The following PCDHGA3 variants were observed in gnomAD, a reference collection of about 807,000 sequenced individuals.
The protein encoded by PCDHGA3 is protocadherin gamma-A3.
Under a neutral mutation model 58.5 loss-of-function variants are expected in PCDHGA3, and 40 were observed. That is an observed-to-expected ratio of 0.68 (90% confidence interval 0.53 to 0.89). The LOEUF is 0.89. Ranked by LOEUF, PCDHGA3 falls within the 40% of genes least tolerant of loss-of-function variation. The pLI, the probability that PCDHGA3 is intolerant of heterozygous loss-of-function variation, is 0.00. For missense variants in PCDHGA3, 1,223 were observed against 1,195.9 expected, an observed-to-expected ratio of 1.02 and a Z score of -0.33; for synonymous variants, 530 against 525.7, an observed-to-expected ratio of 1.01 and a Z score of -0.11.
At chr5:141,501,147 G>A (rs1166199034) in intron 2 of PCDHGA3, among the ~76,000 whole-genome samples, 1 of 152,142 alleles carries the variant, frequency 6.6e-6, no homozygotes, top group Non-Finnish European at 1.5e-5. Context: ...GATTACAGGT[G>A]GGAGCCACCA....
intron 1 of PCDHGA3, chr5:141,433,284 C>T: frequency 8.5e-7 from 1 of 1,176,236 alleles, no homozygotes; most frequent in Non-Finnish European, 1.2e-6. Flanking sequence ...GCCTCAAACT[C>T]CTAGGCTCAA....
chr5:141,346,108 A>T lies in PCDHGA3; in HGVS notation c.2075A>T (p.Tyr692Phe). ...CCCAACGATTCGGACCTCACTCTGT[A>T]CCTGGTGGTGGCGGTGGCCGCGGTC... ...AKPNDSDLTL[Y>F]LVVAVAAVSC... is the part of the protein sequence containing the mutation. The change falls in exon 1 of 4, where the codon TAC becomes TTC. Residue 692 changes from tyrosine to phenylalanine, a missense_variant. Physicochemically the swap from Tyr to Phe is conservative, Grantham distance 22. This residue lies in a region of PCDHGA3 where 325 missense variants were observed against 327.5 expected (regional missense o/e 0.99). Coordinates refer to ENST00000253812, the MANE Select transcript of PCDHGA3 (RefSeq NM_018916.4). 1 of 1,613,642 alleles carries T rather than the reference A, an allele frequency of 6.2e-7. No individual in the cohort carries two copies. Among genetic ancestry groups the T allele is most frequent in the Non-Finnish European group, 8.5e-7 (1 of 1,179,820 alleles).
chr5:141,355,967 C>T (rs745830761), intron 1 of PCDHGA3: 1 of 1,613,862 alleles, frequency 6.2e-7, no homozygotes, highest in South Asian at 1.1e-5. Flanking sequence ...GAGAACGTTC[C>T]TGTAGGCACT....
chr5:141,477,629 C>T lies in PCDHGA3; in HGVS notation c.2425-17178C>T, dbSNP rs1191573380. 6.2e-7 allele frequency: 1 copy of T among 1,614,158 alleles called. No homozygotes were observed. Reference sequence around the variant, plus strand: ...CTTGGAGCAAGGAGCTGAAACCGGGCTAGTGGGTCGCTATTTCACAATAAA... The same window carrying T: ...CTTGGAGCAAGGAGCTGAAACCGGGTTAGTGGGTCGCTATTTCACAATAAA... On this transcript the variant is annotated intron_variant, in intron 1 of 3. Coordinates refer to ENST00000253812, the MANE Select transcript of PCDHGA3 (RefSeq NM_018916.4). The surrounding 1 kb of genome is among the most constrained non-coding windows in gnomAD (Gnocchi z 4.9).
At position 141,431,034 on chromosome 5, in the gene PCDHGA3, G is replaced by C. The variant is rs372312860; in HGVS notation, c.2425-63773G>C. 2.5e-6 allele frequency: 4 copies of C among 1,613,992 alleles called. No homozygotes were observed. The highest frequency in any genetic ancestry group is 2.7e-5 in the African/African-American group (2 of 74,938). On this transcript the variant is annotated intron_variant, in intron 1 of 3. Coordinates refer to ENST00000253812, the MANE Select transcript of PCDHGA3 (RefSeq NM_018916.4). The surrounding 1 kb of genome is among the most constrained non-coding windows in gnomAD (Gnocchi z 4.8). ...TTGGTCACGGCGGGCAGGATAGACC[G>C]GGAGGAGCTCTGTATGGGGGCCATC...
At chr5:141,492,026 G>T in intron 1 of PCDHGA3, 1 of 567,198 alleles carries the variant, frequency 1.8e-6, no homozygotes, top group Non-Finnish European at 3.0e-6. Flanking sequence ...GGGGTCCCGG[G>T]AGGAGGCAGT....
At chr5:141,362,497 G>A in intron 1 of PCDHGA3, 1 of 1,613,986 alleles carries the variant, frequency 6.2e-7, no homozygotes, top group Non-Finnish European at 8.5e-7. Context: ...TGCCTCTTGG[G>A]AACAAAATAC....
At chr5:141,372,684 G>T in intron 1 of PCDHGA3, 10 of 1,613,968 alleles carry the variant, frequency 6.2e-6, no homozygotes, top group Non-Finnish European at 8.5e-6. Context: ...CTCAAACACC[G>T]AGTTTAAATT....
chr5:141,374,395 G>A, intron 1 of PCDHGA3: 1 of 1,614,050 alleles, frequency 6.2e-7, no homozygotes, highest in South Asian at 1.1e-5. Context: ...GGTGTCTGGT[G>A]AGTTTTAACA....
chr5:141,349,868 G>A (rs1369681606), intron 1 of PCDHGA3, among the ~76,000 whole-genome samples: 1 of 152,122 alleles, frequency 6.6e-6, no homozygotes, highest in Admixed American at 6.6e-5. Context: ...AATACGAAAT[G>A]ATGAAGGCCC....
Position 141,491,652 on chromosome 5 carries a change from G to T in PCDHGA3, c.2425-3155G>T. ...AGCAGCCCACAGCTCTGGCGCTGGA[G>T]CCTGACGCCATCCGGTCCCGCTCTA... On this transcript the variant is annotated intron_variant, in intron 1 of 3. Transcript: ENST00000253812. The surrounding 1 kb of genome is among the most constrained non-coding windows in gnomAD (Gnocchi z 6.9). The T allele has an allele frequency of 6.2e-7, 1 of 1,613,844 alleles. No homozygotes were observed.
chr5:141,381,977 G>A lies in PCDHGA3; in HGVS notation c.2424+35520G>A, dbSNP rs61025717. Among the ~76,000 whole-genome samples, 1,494 of 151,364 alleles carry A rather than the reference G, an allele frequency of 9.9e-3. 24 individuals are homozygous for A. The highest frequency in any genetic ancestry group is 0.034 in the African/African-American group (1,395 of 41,190). On this transcript the variant is annotated intron_variant, in intron 1 of 3. Coordinates refer to ENST00000253812, the MANE Select transcript of PCDHGA3 (RefSeq NM_018916.4). ...CCTGAGTAGCTGGGATTACAGGCGC[G>A]CGCCACCACGCCCGGATAATTTTGT...
chr5:141,364,693 A>G, intron 1 of PCDHGA3: 1 of 1,614,018 alleles, frequency 6.2e-7, no homozygotes, highest in South Asian at 1.1e-5. Context: ...GAGTAGAAGT[A>G]GAAATAATCG....
At position 141,344,330 on chromosome 5, in the gene PCDHGA3, C is replaced by A. The variant is rs1203905820; in HGVS notation, c.297C>A (p.Ile99=). The part of the protein sequence containing the change: ...RIDREELCAQ[I]PLCLVKINIL... ...ACCGGGAGGAGCTCTGCGCTCAGAT[C>A]CCGCTGTGTCTGGTAAAAATTAACA... The change falls in exon 1 of 4, where the codon ATC becomes ATA. Residue 99 remains isoleucine (I), a synonymous_variant. Coordinates refer to ENST00000253812, the MANE Select transcript of PCDHGA3 (RefSeq NM_018916.4). The A allele has an allele frequency of 6.2e-7, 1 of 1,613,948 alleles. No homozygotes were observed. Among genetic ancestry groups the A allele is most frequent in the Non-Finnish European group, 8.5e-7 (1 of 1,179,900 alleles).
chr5:141,464,394 G>A (rs1277856342), intron 1 of PCDHGA3, among the ~76,000 whole-genome samples: 1 of 150,654 alleles, frequency 6.6e-6, no homozygotes. Context: ...TGCTAATGAA[G>A]AACCTGAGAT....
In PCDHGA3 at chr5:141,344,635, A is replaced by G; in HGVS notation, c.602A>G (p.Asp201Gly). 1.2e-6 allele frequency: 2 copies of G among 1,613,952 alleles called. 1 individual carries two copies. The highest frequency in any genetic ancestry group is 3.3e-4 in the Middle Eastern group (2 of 6,062). The part of the protein sequence containing the change: ...YPELVLERAL[D>G]REKKEIHQLV... ...GAGCTGGTGCTGGAGCGGGCCCTGG[A>G]CCGTGAGAAAAAAGAAATTCACCAG... The change falls in exon 1 of 4, where the codon GAC becomes GGC. Residue 201 changes from aspartate to glycine, a missense_variant. Around this residue, in one of 3 missense-constraint regions of PCDHGA3, gnomAD observed 791 missense variants for 708.5 expected, o/e 1.12. Transcript: ENST00000253812.
At chr5:141,501,198 G>C (rs2299024) in intron 2 of PCDHGA3, among the ~76,000 whole-genome samples, 89,086 of 151,686 alleles carry the variant, frequency 0.59, 27,759 homozygotes, top group African/African-American at 0.8. Context: ...TAAATTCAGG[G>C]TGTTGTCAGG....
chr5:141,383,027 C>A lies in PCDHGA3; in HGVS notation c.2424+36570C>A, dbSNP rs752703068. 3 of 1,613,838 alleles carry A rather than the reference C, an allele frequency of 1.9e-6. No homozygotes were observed. In the South Asian group the frequency reaches 3.3e-5, roughly 18 times the overall value. ...GTGTCGGAGGAGACGGACAAAGGGTCCTTTGTGGGAGACATCGCCAAGGAC... is the reference window on the plus strand; with the variant it reads ...GTGTCGGAGGAGACGGACAAAGGGTACTTTGTGGGAGACATCGCCAAGGAC... On this transcript the variant is annotated intron_variant, in intron 1 of 3. Coordinates refer to ENST00000253812, the MANE Select transcript of PCDHGA3 (RefSeq NM_018916.4).
chr5:141,360,110 G>C, intron 1 of PCDHGA3: 1 of 1,563,268 alleles, frequency 6.4e-7, no homozygotes, highest in Non-Finnish European at 8.7e-7. Flanking sequence ...TCCTCCTATG[G>C]GCAAAGGAGC....
Sources: allele counts gnomAD v4.1 joint callset (sites outside exome capture counted in the v4.1 genomes callset), GRCh38; gene constraint gnomAD v4.1.1; regional missense constraint gnomAD v4.1.1; non-coding constraint Gnocchi (gnomAD v3.1); transcripts MANE v1.5; gene names NCBI Gene and HGNC (gene_info 2026-07-23, HGNC 2026-07-21).